Variants in BABAM2 observed in about 807,000 individuals in gnomAD.
BABAM2 encodes the protein BRISC and BRCA1-A complex member 2.
Under a neutral mutation model 54.7 loss-of-function variants are expected in BABAM2, and 31 were observed. The ratio of observed to expected loss-of-function variants is 0.57; its 90% CI spans 0.43 to 0.77. The LOEUF is 0.77. BABAM2 is among the 30% of genes least tolerant of loss of function. The probability of loss-of-function intolerance (pLI) is 0.00; values close to 1 mark genes in which losing one functional copy is unlikely to be tolerated. For synonymous variants in BABAM2, 167 were observed against 162.9 expected (o/e 1.03, Z -0.19); for missense variants, 364 against 455.8 (o/e 0.80, Z 1.83).
intron 5 of BABAM2, among the ~76,000 whole-genome samples, chr2:28,042,880 C>G (rs963023659): frequency 4.0e-5 from 6 of 151,352 alleles, no homozygotes; most frequent in Non-Finnish European, 8.8e-5. Flanking sequence ...AAAAATTAGC[C>G]GGGCGTGGTG....
intron 3 of BABAM2, among the ~76,000 whole-genome samples, chr2:27,982,844 T>TAC (rs146744707): frequency 0.074 from 9,444 of 126,976 alleles, 479 homozygotes; most frequent in African/African-American, 0.19. Flanking sequence ...TCATTATGTG[T>TAC]ACACACACAC....
intron 11 of BABAM2, among the ~76,000 whole-genome samples, chr2:28,323,519 A>T (rs1268980128): frequency 6.6e-6 from 1 of 152,206 alleles, no homozygotes; most frequent in Non-Finnish European, 1.5e-5. Context: ...CTGAGCAGTG[A>T]CCTCAGAAAC....
At chr2:28,126,714 G>A (rs1381739680) in intron 6 of BABAM2, among the ~76,000 whole-genome samples, 8 of 131,534 alleles carry the variant, frequency 6.1e-5, no homozygotes, top group Admixed American at 1.6e-4. Flanking sequence ...CTGAGGAATC[G>A]CCACACTGAC....
At chr2:28,327,150 C>G (rs1385559945) in intron 11 of BABAM2, 2 of 1,010,496 alleles carry the variant, frequency 2.0e-6, no homozygotes, top group Non-Finnish European at 2.9e-6. Flanking sequence ...GTGATGAACG[C>G]CAGAGAAAGA....
chr2:28,270,262 C>A (rs1460548462), intron 10 of BABAM2, among the ~76,000 whole-genome samples: 1 of 152,112 alleles, frequency 6.6e-6, no homozygotes, highest in Non-Finnish European at 1.5e-5. Context: ...GCTGTGGTTA[C>A]AGGCACGTCC....
intron 10 of BABAM2, among the ~76,000 whole-genome samples, chr2:28,263,556 A>G (rs573183207): frequency 3.3e-5 from 5 of 152,376 alleles, no homozygotes; most frequent in African/African-American, 1.2e-4. Context: ...GCCGCAGCCC[A>G]CAGTGAGTGA....
At chr2:27,977,720 CA>C (rs1466598371) in intron 3 of BABAM2, among the ~76,000 whole-genome samples, 1 of 152,054 alleles carries the variant, frequency 6.6e-6, no homozygotes, top group East Asian at 1.9e-4. Context: ...GAGCTATAGA[CA>C]AACTGGTACA....
rs1402119139 is a variant in BABAM2 at position 28,237,280 on chromosome 2, A to G, written c.759A>G (p.Val253=). Residue 253 remains valine, a synonymous_variant, in exon 8 of 12, where the codon GTA becomes GTG. Transcript: ENST00000379624. The part of the protein sequence containing the change: ...GGCLIDYVPQ[V]CHLLTNKVQY... ...GTCTCATTGATTACGTTCCTCAAGT[A>G]TGCCACCTGCTCACCAACAAGGTAA... The G allele has an allele frequency of 1.2e-6, 2 of 1,613,622 alleles. No individual in the cohort carries two copies. The highest frequency in any genetic ancestry group is 1.1e-5 in the South Asian group (1 of 91,076).
intron 7 of BABAM2, among the ~76,000 whole-genome samples, chr2:28,230,070 C>T (rs1333433985): frequency 6.6e-6 from 1 of 152,100 alleles, no homozygotes; most frequent in Non-Finnish European, 1.5e-5. Context: ...AAGTGGAATA[C>T]AGTACTCTCA....
chr2:28,107,198 T>A (rs976587067), intron 6 of BABAM2, among the ~76,000 whole-genome samples: 3 of 152,108 alleles, frequency 2.0e-5, no homozygotes, highest in African/African-American at 7.2e-5. Context: ...ACCAAGTTGC[T>A]TCTCTATGTG....
intron 6 of BABAM2, among the ~76,000 whole-genome samples, chr2:28,129,009 G>A (rs781623763): frequency 6.6e-6 from 1 of 152,094 alleles, no homozygotes; most frequent in Non-Finnish European, 1.5e-5. Flanking sequence ...TTCACTACCC[G>A]CCCCCTACCT....
At chr2:27,953,462 C>T (rs1669883549) in intron 3 of BABAM2, among the ~76,000 whole-genome samples, 1 of 151,958 alleles carries the variant, frequency 6.6e-6, no homozygotes, top group South Asian at 2.1e-4. Flanking sequence ...GGATTACAGG[C>T]ATGAACCACC....
At chr2:28,060,484 G>T (rs367956066) in intron 6 of BABAM2, among the ~76,000 whole-genome samples, 1 of 152,062 alleles carries the variant, frequency 6.6e-6, no homozygotes, top group Non-Finnish European at 1.5e-5. Context: ...GTACTGGGGG[G>T]GCCTGGCCAG....
At chr2:28,187,322 T>C (rs4444476) in intron 7 of BABAM2, among the ~76,000 whole-genome samples, 151,765 of 152,316 alleles carry the variant, frequency 1, 75,611 homozygotes, top group Middle Eastern at 1. Flanking sequence ...GGAGCCATGT[T>C]GGTTTGGGTA....
At chr2:28,171,503 G>A (rs1406044673) in intron 7 of BABAM2, among the ~76,000 whole-genome samples, 1 of 152,208 alleles carries the variant, frequency 6.6e-6, no homozygotes, top group Non-Finnish European at 1.5e-5. Flanking sequence ...TGGCTAGGGA[G>A]TGGAGGGGAC....
intron 6 of BABAM2, among the ~76,000 whole-genome samples, chr2:28,122,372 G>A (rs1669149869): frequency 6.6e-6 from 1 of 152,148 alleles, no homozygotes; most frequent in African/African-American, 2.4e-5. Context: ...GGGAGGCTGA[G>A]GCAGGAGGAT....
chr2:28,041,205 G>A (rs114567224), intron 5 of BABAM2, among the ~76,000 whole-genome samples: 1,758 of 152,036 alleles, frequency 0.012, 20 homozygotes, highest in Non-Finnish European at 0.018. Context: ...GTAAAATCAG[G>A]CATATATATA....
At chr2:27,973,873 A>G (rs1326792045) in intron 3 of BABAM2, among the ~76,000 whole-genome samples, 1 of 152,182 alleles carries the variant, frequency 6.6e-6, no homozygotes, top group Non-Finnish European at 1.5e-5. Context: ...ATTCTGATGA[A>G]TCAAGTCCAC....
intron 5 of BABAM2, among the ~76,000 whole-genome samples, chr2:28,037,695 A>G (rs1355627667): frequency 6.6e-6 from 1 of 152,192 alleles, no homozygotes; most frequent in Non-Finnish European, 1.5e-5. Flanking sequence ...TTGTTTCTCC[A>G]CAGTATTGTC....
Sources: allele counts gnomAD v4.1 joint callset (sites outside exome capture counted in the v4.1 genomes callset), GRCh38; gene constraint gnomAD v4.1.1; transcripts MANE v1.5; gene names NCBI Gene and HGNC (gene_info 2026-07-23, HGNC 2026-07-21).